Variants in USP36 observed in about 807,000 individuals in gnomAD.
USP36 encodes ubiquitin carboxyl-terminal hydrolase 36.
Under a neutral mutation model 111.5 loss-of-function variants are expected in USP36, and 59 were observed. That is an observed-to-expected ratio of 0.53 (90% CI 0.43 to 0.66). USP36 has a LOEUF of 0.66. Among genes scored for constraint, USP36 ranks in the 30% least tolerant of loss-of-function variants. USP36 has a pLI of 0.00. For missense variants in USP36, 1,488 were observed against 1,468.0 expected (o/e 1.01, Z -0.22); for synonymous variants, 628 against 581.0 (o/e 1.08, Z -1.16).
downstream of USP36, among the ~76,000 whole-genome samples, chr17:78,794,339 A>G (rs2093606112): frequency 6.6e-6 from 1 of 152,206 alleles, no homozygotes; most frequent in East Asian, 1.9e-4. Context: ...ACTGTCAAAC[A>G]AAACCTGCCC....
rs570030903 is a variant in USP36 at position 78,812,541 on chromosome 17, A to G, written c.1407+319T>C. Among the ~76,000 whole-genome samples, 3 of 151,894 alleles carry G rather than the reference A, an allele frequency of 2.0e-5. 1 individual carries two copies. In the South Asian group the frequency reaches 6.3e-4, roughly 32 times the overall value. ...CGTCTCTACTAAAAATACAAAAAAA[A>G]TTAGCCGGGCGTGGTTCGGGCACCT... On this transcript the variant is annotated intron_variant, in intron 13 of 20. Coordinates refer to ENST00000449938, the MANE Select transcript of USP36 (RefSeq NM_001385174.1).
chr17:78,799,877 CTTTTTT>C (rs549964435), intron 17 of USP36, 109 bp from the exon 18 acceptor site: 2,630 of 155,088 alleles, frequency 0.017, 4 homozygotes, highest in South Asian at 0.057. Context: ...GGATGCTTGC[CTTTTTT>C]TTTTTTTTTT....
chr17:78,806,522 C>T (rs914447486), intron 14 of USP36, among the ~76,000 whole-genome samples: 2 of 152,196 alleles, frequency 1.3e-5, no homozygotes, highest in African/African-American at 2.4e-5. Flanking sequence ...ACAAAAATCT[C>T]AGCACAACAA....
At chr17:78,799,849 A>C in intron 17 of USP36, 81 bp from the exon 18 acceptor site, 1 of 965,430 alleles carries the variant, frequency 1.0e-6, no homozygotes, top group African/African-American at 1.7e-5. Context: ...TTAAATTATA[A>C]AACAACTTAC....
At chr17:78,839,026 T>C (rs1006409628) in intron 1 of USP36, among the ~76,000 whole-genome samples, 2 of 152,166 alleles carry the variant, frequency 1.3e-5, no homozygotes, top group African/African-American at 2.4e-5. Flanking sequence ...CAGTCTAATC[T>C]TATTTCCAAA....
At position 78,836,388 on chromosome 17, in the gene USP36, G is replaced by A; in HGVS notation, c.-9-16C>T. Reference sequence around the variant, plus strand: ...TGGTGCATCACTGTGGGGACAAGAAGAAACATAGAGCCATAGATAACGAAA... The same window carrying A: ...TGGTGCATCACTGTGGGGACAAGAAAAAACATAGAGCCATAGATAACGAAA... On this transcript the variant is annotated splice_polypyrimidine_tract_variant and intron_variant, in intron 2 of 20. Transcript: ENST00000449938. The A allele has an allele frequency of 6.2e-7, 1 of 1,610,546 alleles. No individual in the cohort carries two copies. Among genetic ancestry groups the A allele is most frequent in the East Asian group, 2.2e-5 (1 of 44,840 alleles).
chr17:78,806,273 C>T lies in USP36; in HGVS notation c.2099G>A (p.Trp700Ter). Residue 700 changes from tryptophan (W) to a stop codon, truncating the protein, a stop_gained, in exon 15 of 21, where the codon TGG becomes TAG. Transcript: ENST00000449938. LOFTEE classifies it high-confidence loss of function. ...ALSAKKASTL[W>*]RATGNDLRPP... ...ACGGAGGTCATTGCCGGTCGCCCTC[C>T]ACAGGGTGCTGGCCTGCAGTTATCG... 6.2e-7 allele frequency: 1 copy of T among 1,613,802 alleles called. No individual in the cohort carries two copies. Among genetic ancestry groups the T allele is most frequent in the Non-Finnish European group, 8.5e-7 (1 of 1,180,004 alleles).
intron 4 of USP36, among the ~76,000 whole-genome samples, chr17:78,831,141 G>A (rs1438810581): frequency 4.2e-5 from 6 of 141,936 alleles, no homozygotes; most frequent in African/African-American, 1.1e-4. Flanking sequence ...CAGGAGAATC[G>A]CTTGAACCTG....
chr17:78,790,163 A>G (rs572833284), intron 3 of USP36, among the ~76,000 whole-genome samples: 14 of 151,784 alleles, frequency 9.2e-5, no homozygotes, highest in South Asian at 6.2e-4. Flanking sequence ...ATCTCAGCTC[A>G]CTGCAACCTC....
chr17:78,809,185 T>G (rs1006050817), intron 13 of USP36, among the ~76,000 whole-genome samples: 1 of 152,260 alleles, frequency 6.6e-6, no homozygotes, highest in African/African-American at 2.4e-5. Context: ...GCTTCATTTG[T>G]TTGTAGTAAA....
intron 13 of USP36, among the ~76,000 whole-genome samples, chr17:78,812,072 G>A (rs948703781): frequency 1.3e-5 from 2 of 151,818 alleles, no homozygotes; most frequent in Non-Finnish European, 2.9e-5. Context: ...TGATAGTCCC[G>A]AATACTAGGG....
intron 2 of USP36, among the ~76,000 whole-genome samples, chr17:78,838,101 CA>C (rs942106093): frequency 6.1e-5 from 9 of 148,508 alleles, no homozygotes; most frequent in South Asian, 2.1e-4. Flanking sequence ...ATCTTTAAAA[CA>C]AAAAAAATCG....
chr17:78,798,503 C>T lies in USP36; in HGVS notation c.3289G>A (p.Ala1097Thr), dbSNP rs778976054. The part of the protein sequence containing the change: ...FKREKRRNFN[A>T]FQKLQTRRNF... The stretch of plus-strand genomic sequence containing the variant: ...CGTCGAGTCTGAAGTTTCTGGAAGG[C>T]GTTGAAGTTTCTCCTCTTCTCTCTC... Residue 1097 changes from alanine to threonine, a missense_variant, in exon 20 of 21, where the codon GCC becomes ACC. Coordinates refer to ENST00000449938, the MANE Select transcript of USP36 (RefSeq NM_001385174.1). This position sits in a 1 kb window ranked among gnomAD's most constrained non-coding sequence, Gnocchi z 5.1. 3.1e-6 allele frequency: 5 copies of T among 1,614,012 alleles called. No individual in the cohort carries two copies. The highest frequency in any genetic ancestry group is 1.3e-5 in the African/African-American group (1 of 74,894).
At chr17:78,823,219 AT>A (rs2094372684) in intron 6 of USP36, 1 of 398,610 alleles carries the variant, frequency 2.5e-6, no homozygotes, top group African/African-American at 2.1e-5. Flanking sequence ...AACTGCCACC[AT>A]CTACTGTCCC....
intron 1 of USP36, among the ~76,000 whole-genome samples, chr17:78,839,746 C>A (rs973875038): frequency 6.6e-6 from 1 of 152,184 alleles, no homozygotes; most frequent in Non-Finnish European, 1.5e-5. Context: ...AAACAACGCT[C>A]GCTCGCTCTC....
At chr17:78,813,172 A>G (rs1290315820) in intron 12 of USP36, among the ~76,000 whole-genome samples, 171 bp from the exon 13 acceptor site, 2 of 152,222 alleles carry the variant, frequency 1.3e-5, no homozygotes, top group African/African-American at 4.8e-5. Flanking sequence ...AGTGAGGCTG[A>G]GAGATCAGCC....
Position 78,821,208 on chromosome 17 carries a change from C to T in USP36, c.758-147G>A, listed in dbSNP as rs1599054893. ...ACTAGCCCCTGAAGCATCCTGGTGT[C>T]CGAACAGAGAGCTCTCTTTCACCAC... On this transcript the variant is annotated intron_variant, in intron 7 of 20. Transcript: ENST00000449938. 3 of 671,022 alleles carry T rather than the reference C, an allele frequency of 4.5e-6. No individual in the cohort carries two copies. The East Asian group carries it at 8.6e-5, about 19-fold the overall frequency. The allele number at this position is 671,022 out of a possible 1,614,324, so 41.6% of individuals were successfully genotyped here.
Position 78,799,759 on chromosome 17 carries a change from T to C in USP36, c.3032A>G (p.Gln1011Arg). The C allele has an allele frequency of 6.2e-7, 1 of 1,604,514 alleles. No individual in the cohort carries two copies. The highest frequency in any genetic ancestry group is 8.5e-7 in the Non-Finnish European group (1 of 1,176,666). ...WCPGDRMGLS[Q>R]APPVSWNGER... ...TCCATTCCAAGACACAGGAGGGGCCTGGCTCAGCCCTGCAATCGGAGCAGC... is the reference window on the plus strand; with the variant it reads ...TCCATTCCAAGACACAGGAGGGGCCCGGCTCAGCCCTGCAATCGGAGCAGC... The change falls in exon 18 of 21, where the codon CAG becomes CGG. Residue 1011 changes from glutamine (Q) to arginine (R), a missense_variant. Coordinates refer to ENST00000449938, the MANE Select transcript of USP36 (RefSeq NM_001385174.1).
At chr17:78,838,387 C>G (rs187299500) in intron 2 of USP36, among the ~76,000 whole-genome samples, 200 bp downstream of exon 2, 1 of 134,662 alleles carries the variant, frequency 7.4e-6, no homozygotes, top group Admixed American at 7.5e-5. Context: ...AAAAAAAAAA[C>G]AAAAAACAAA....
Sources: allele counts gnomAD v4.1 joint callset (sites outside exome capture counted in the v4.1 genomes callset), GRCh38; gene constraint gnomAD v4.1.1; non-coding constraint Gnocchi (gnomAD v3.1); transcripts MANE v1.5; gene names NCBI Gene and HGNC (gene_info 2026-07-23, HGNC 2026-07-21).